SLC35F4: variants seen among roughly 807,000 people sequenced by gnomAD.
The protein encoded by SLC35F4 is chromosome 14 open reading frame 36.
In SLC35F4, 24 loss-of-function variants were observed where a neutral mutation model predicts 44.2. That is an observed-to-expected ratio of 0.54 (90% CI 0.39 to 0.76). SLC35F4 has a LOEUF of 0.76. Among genes scored for constraint, SLC35F4 ranks in the 30% least tolerant of loss-of-function variants. SLC35F4 has a pLI of 0.00. For synonymous variants in SLC35F4, 238 were observed against 223.6 expected, an observed-to-expected ratio of 1.06 and a Z score of -0.57; for missense variants, 562 against 586.1, an observed-to-expected ratio of 0.96 and a Z score of 0.42.
intron 1 of SLC35F4, among the ~76,000 whole-genome samples, chr14:57,602,166 T>TA (rs35032895): frequency 0.012 from 1,706 of 145,710 alleles, 13 homozygotes; most frequent in African/African-American, 0.024. Flanking sequence ...GCCTGGATGG[T>TA]AAAAAAAAAA....
At chr14:57,745,117 A>C (rs1045938518) in intron 1 of SLC35F4, among the ~76,000 whole-genome samples, 1 of 152,234 alleles carries the variant, frequency 6.6e-6, no homozygotes, top group Non-Finnish European at 1.5e-5. Flanking sequence ...TTAGACCTAA[A>C]ACCATAAAAA....
chr14:57,657,993 G>A (rs549204260), intron 1 of SLC35F4, among the ~76,000 whole-genome samples: 3 of 152,240 alleles, frequency 2.0e-5, no homozygotes, highest in South Asian at 2.1e-4. Flanking sequence ...AGAATCAAAC[G>A]AGAATGTGCA....
At chr14:57,588,911 C>A (rs2139884559) in intron 3 of SLC35F4, among the ~76,000 whole-genome samples, 1 of 152,248 alleles carries the variant, frequency 6.6e-6, no homozygotes, top group Middle Eastern at 3.4e-3. Flanking sequence ...TTGAATGAGT[C>A]ATTCAACCTT....
At chr14:57,632,632 C>T (rs1043172439) in intron 1 of SLC35F4, among the ~76,000 whole-genome samples, 1 of 152,014 alleles carries the variant, frequency 6.6e-6, no homozygotes, top group Non-Finnish European at 1.5e-5. Context: ...AACTGATGAA[C>T]CTACATGAAC....
intron 1 of SLC35F4, among the ~76,000 whole-genome samples, chr14:57,690,046 T>C (rs2075184251): frequency 1.3e-5 from 2 of 152,204 alleles, no homozygotes; most frequent in Admixed American, 1.3e-4. Flanking sequence ...CTTTCTAGAA[T>C]GTTCTTTCAT....
intron 1 of SLC35F4, among the ~76,000 whole-genome samples, chr14:57,609,687 T>C (rs2071378053): frequency 1.3e-5 from 2 of 152,198 alleles, no homozygotes; most frequent in African/African-American, 4.8e-5. Flanking sequence ...AAATCCTAAA[T>C]TTATCTGATG....
intron 1 of SLC35F4, among the ~76,000 whole-genome samples, chr14:57,884,121 C>T (rs1476985553): frequency 1.3e-5 from 2 of 152,102 alleles, no homozygotes; most frequent in Non-Finnish European, 1.5e-5. Flanking sequence ...CTATAGCACT[C>T]CCTGGGCCTT....
At chr14:57,601,979 T>C (rs1159537968) in intron 1 of SLC35F4, among the ~76,000 whole-genome samples, 2 of 152,222 alleles carry the variant, frequency 1.3e-5, no homozygotes, top group African/African-American at 2.4e-5. Context: ...TGTATCTCAC[T>C]GCTTTTCCAT....
At chr14:57,972,773 C>T (rs1881091332), downstream of SLC35F4, among the ~76,000 whole-genome samples, 1 of 152,186 alleles carries the variant, frequency 6.6e-6, no homozygotes, top group East Asian at 1.9e-4. Context: ...AGTAGCCACA[C>T]TCATGGCATT....
At chr14:57,679,616 T>G (rs2074822046) in intron 1 of SLC35F4, among the ~76,000 whole-genome samples, 1 of 151,638 alleles carries the variant, frequency 6.6e-6, no homozygotes, top group South Asian at 2.1e-4. Context: ...AACAAAATAG[T>G]AGACCAGTAG....
chr14:57,695,602 A>G (rs921199817), intron 1 of SLC35F4, among the ~76,000 whole-genome samples: 41 of 151,928 alleles, frequency 2.7e-4, no homozygotes, highest in Admixed American at 2.5e-3. Context: ...CCATTGTGGA[A>G]GTCAGTGTGG....
At chr14:57,875,386 T>C (rs1888378387) in intron 1 of SLC35F4, among the ~76,000 whole-genome samples, 1 of 152,254 alleles carries the variant, frequency 6.6e-6, no homozygotes, top group African/African-American at 2.4e-5. Context: ...GTCTAGCTTT[T>C]ACTGCATACC....
intron 1 of SLC35F4, among the ~76,000 whole-genome samples, chr14:57,758,929 C>T (rs1042770915): frequency 6.6e-6 from 1 of 152,142 alleles, no homozygotes; most frequent in Non-Finnish European, 1.5e-5. Context: ...ACCATTCTAT[C>T]CTCTTTCTAT....
Position 57,563,964 on chromosome 14 carries a change from T to C in SLC35F4, c.*171A>G. The C allele has an allele frequency of 1.4e-6, 1 of 691,574 alleles. No homozygotes were observed. The highest frequency in any genetic ancestry group is 2.3e-6 in the Non-Finnish European group (1 of 440,928). 42.8% of individuals were successfully genotyped at this position (691,574 alleles called of 1,614,324 possible). A position where few individuals can be genotyped will look rare whatever the true frequency, so the allele number is the denominator to read the frequency against. ...AATAAAAAAATCCATTATGATTATT[T>C]ACACCAATTCCTTGATAAGCATATA... On this transcript the variant is annotated 3_prime_UTR_variant, in exon 8 of 8. Coordinates refer to ENST00000556826, the MANE Select transcript of SLC35F4 (RefSeq NM_001306087.2).
chr14:57,754,591 G>A (rs559058363), intron 1 of SLC35F4, among the ~76,000 whole-genome samples: 7 of 152,260 alleles, frequency 4.6e-5, no homozygotes, highest in African/African-American at 1.7e-4. Flanking sequence ...CTTTATGAGT[G>A]CATGACCCGT....
intron 1 of SLC35F4, among the ~76,000 whole-genome samples, chr14:57,826,498 CA>C (rs1348395658): frequency 1.3e-5 from 2 of 151,764 alleles, no homozygotes; most frequent in African/African-American, 2.4e-5. Flanking sequence ...GCAACAAAAG[CA>C]AAAATCAACA....
intron 1 of SLC35F4, among the ~76,000 whole-genome samples, chr14:57,957,145 T>C (rs977159967): frequency 1.3e-5 from 2 of 152,206 alleles, no homozygotes; most frequent in African/African-American, 4.8e-5. Context: ...TGCAGGAACA[T>C]GGATAAAGCT....
At chr14:57,975,860 C>T (rs1881199644), downstream of SLC35F4, among the ~76,000 whole-genome samples, 1 of 152,162 alleles carries the variant, frequency 6.6e-6, no homozygotes, top group African/African-American at 2.4e-5. Flanking sequence ...AATGGTAGTG[C>T]ATAATTGTCA....
intron 1 of SLC35F4, among the ~76,000 whole-genome samples, chr14:57,876,163 A>G (rs1888396295): frequency 6.6e-6 from 1 of 152,190 alleles, no homozygotes; most frequent in Non-Finnish European, 1.5e-5. Context: ...GGGTCTGCAT[A>G]ATGTTGGTAC....
Sources: gnomAD v4.1 joint callset for allele counts (sites outside exome capture counted in the v4.1 genomes callset) on GRCh38, gnomAD v4.1.1 for gene constraint, MANE v1.5 for transcripts, NCBI Gene and HGNC (gene_info 2026-07-23, HGNC 2026-07-21) for gene names.